Variants in PCDHGA2 observed in about 807,000 individuals in gnomAD.
The protein encoded by PCDHGA2 is protocadherin gamma-A2.
PCDHGA2 carries 40 observed loss-of-function variants against 59.2 expected under a neutral mutation model. The observed-to-expected ratio is 0.68, with a 90% CI of 0.52 to 0.88. The LOEUF (loss-of-function observed/expected upper bound fraction) is 0.88, where lower values mean the gene tolerates loss of function less well. Ranked by LOEUF, PCDHGA2 falls within the 40% of genes least tolerant of loss-of-function variation. The pLI, the probability that PCDHGA2 is intolerant of heterozygous loss-of-function variation, is 0.00. For missense variants in PCDHGA2, 1,226 were observed against 1,204.0 expected (o/e 1.02, Z -0.27); for synonymous variants, 560 against 526.0 (o/e 1.06, Z -0.89).
intron 1 of PCDHGA2, chr5:141,395,043 G>A: frequency 6.2e-7 from 1 of 1,614,150 alleles, no homozygotes. Flanking sequence ...TGTGGGTGTT[G>A]AGGAGGTACA....
Position 141,340,542 on chromosome 5 carries a change from A to G in PCDHGA2, c.1571A>G (p.Gln524Arg), listed in dbSNP as rs1756955955. Reference sequence around the variant, plus strand: ...GCACTGCGCTCCTTTGATTATGAGCAGTTGCGAGACTTGCAAGTGTGGGTG... The same window carrying G: ...GCACTGCGCTCCTTTGATTATGAGCGGTTGCGAGACTTGCAAGTGTGGGTG... Reference protein sequence around the residue: ...LYALRSFDYEQLRDLQVWVIA... With the variant: ...LYALRSFDYERLRDLQVWVIA... Residue 524 changes from glutamine (Q) to arginine (R), a missense_variant, in exon 1 of 4, where the codon CAG becomes CGG. Coordinates refer to ENST00000394576, the MANE Select transcript of PCDHGA2 (RefSeq NM_018915.4). The G allele has an allele frequency of 1.2e-6, 2 of 1,614,264 alleles. No homozygotes were observed. Among genetic ancestry groups the G allele is most frequent in the Non-Finnish European group, 1.7e-6 (2 of 1,180,046 alleles).
intron 1 of PCDHGA2, chr5:141,478,544 C>G (rs1371505487): frequency 6.2e-7 from 1 of 1,605,660 alleles, no homozygotes; most frequent in Admixed American, 1.7e-5. Flanking sequence ...CCCTCCCGGA[C>G]AGGTAAGGTT....
intron 1 of PCDHGA2, among the ~76,000 whole-genome samples, chr5:141,492,167 C>T (rs565536989): frequency 6.6e-6 from 1 of 152,344 alleles, no homozygotes; most frequent in East Asian, 1.9e-4. Context: ...CCTATCCCCG[C>T]ATCACCCAAC....
intron 1 of PCDHGA2, chr5:141,355,603 A>T: frequency 1.2e-6 from 2 of 1,614,012 alleles, no homozygotes; most frequent in South Asian, 1.1e-5. Context: ...CAGTTTTGGG[A>T]CAGAACAGAG....
intron 1 of PCDHGA2, chr5:141,479,660 A>G (rs1206947602): frequency 6.6e-6 from 1 of 152,266 alleles, no homozygotes; most frequent in African/African-American, 2.4e-5. Flanking sequence ...ACAATCCCAG[A>G]AACTACAAAA....
At chr5:141,479,842 G>A (rs1167563746) in intron 1 of PCDHGA2, among the ~76,000 whole-genome samples, 3 of 152,172 alleles carry the variant, frequency 2.0e-5, no homozygotes, top group African/African-American at 7.2e-5. Context: ...TCCATGCAAG[G>A]TGACTGCAAG....
chr5:141,486,137 G>A lies in PCDHGA2; in HGVS notation c.2425-8670G>A, dbSNP rs1187526031. 1 of 1,614,074 alleles carries A rather than the reference G, an allele frequency of 6.2e-7. No individual in the cohort carries two copies. On this transcript the variant is annotated intron_variant, in intron 1 of 3. Coordinates refer to ENST00000394576, the MANE Select transcript of PCDHGA2 (RefSeq NM_018915.4). The surrounding 1 kb of genome is among the most constrained non-coding windows in gnomAD (Gnocchi z 5.0). ...GAATTACTATGAATTTGATGTGCGGGCTCGCGATGGGGGTTCTCCAGCCAT... is the reference window on the plus strand; with the variant it reads ...GAATTACTATGAATTTGATGTGCGGACTCGCGATGGGGGTTCTCCAGCCAT...
At chr5:141,413,020 C>T in intron 1 of PCDHGA2, 1 of 693,768 alleles carries the variant, frequency 1.4e-6, no homozygotes, top group Non-Finnish European at 2.3e-6. Context: ...CTACACAAGC[C>T]CCACAAACCG....
chr5:141,375,314 G>T, intron 1 of PCDHGA2: 2 of 1,613,798 alleles, frequency 1.2e-6, no homozygotes, highest in Non-Finnish European at 1.7e-6. Flanking sequence ...TGCAGCTCTA[G>T]ACCGGGAAGA....
chr5:141,505,249 G>T, intron 2 of PCDHGA2, 144 bp from the exon 3 acceptor site: 1 of 1,447,748 alleles, frequency 6.9e-7, no homozygotes, highest in Non-Finnish European at 9.2e-7. Flanking sequence ...GATTGTAGAA[G>T]TGCCTCCTAC....
rs36031641 is a variant in PCDHGA2 at position 141,434,771 on chromosome 5, T to TA, written c.2425-60023dup. ...CCCCTGATTCCCCACTTCACACTTCTAAAAAAAAAAAAATTTTTTTTTCTG... is the reference window on the plus strand; with the variant it reads ...CCCCTGATTCCCCACTTCACACTTCTAAAAAAAAAAAAAATTTTTTTTTCTG... On this transcript the variant is annotated intron_variant, in intron 1 of 3. Coordinates refer to ENST00000394576, the MANE Select transcript of PCDHGA2 (RefSeq NM_018915.4). Among the ~76,000 whole-genome samples, 71 of 145,288 alleles carry TA rather than the reference T, an allele frequency of 4.9e-4. 1 individual carries two copies. The highest frequency in any genetic ancestry group is 3.6e-3 in the Middle Eastern group (1 of 278).
intron 1 of PCDHGA2, chr5:141,484,976 G>T: frequency 1.7e-6 from 1 of 592,920 alleles, no homozygotes; most frequent in South Asian, 2.1e-5. Flanking sequence ...GCCGCTGTCT[G>T]CCAATCGGGT....
At chr5:141,389,170 C>CCCTCT (rs2091633405) in intron 1 of PCDHGA2, 3 of 1,614,006 alleles carry the variant, frequency 1.9e-6, no homozygotes, top group Non-Finnish European at 2.5e-6. Context: ...GGCAAGCCTC[C>CCCTCT]CCTCTCCTCC....
At chr5:141,375,373 A>G (rs540129406) in intron 1 of PCDHGA2, 113 of 1,613,776 alleles carry the variant, frequency 7.0e-5, no homozygotes, top group Non-Finnish European at 3.2e-5. Flanking sequence ...AAGGAACACC[A>G]CCTCTGTCTA....
intron 1 of PCDHGA2, chr5:141,403,322 A>G (rs1156229289): frequency 6.2e-7 from 1 of 1,613,982 alleles, no homozygotes; most frequent in Non-Finnish European, 8.5e-7. Flanking sequence ...AATAGAAGTA[A>G]CTGATATTAA....
At chr5:141,371,558 A>G in intron 1 of PCDHGA2, 1 of 1,613,764 alleles carries the variant, frequency 6.2e-7, no homozygotes, top group Non-Finnish European at 8.5e-7. Context: ...AACTAAAAGG[A>G]AACTTCCCCT....
intron 1 of PCDHGA2, among the ~76,000 whole-genome samples, chr5:141,466,637 A>G (rs944728391): frequency 1.1e-4 from 16 of 152,234 alleles, no homozygotes; most frequent in Admixed American, 8.5e-4. Flanking sequence ...CATTGTCTCC[A>G]TAAACTTTTC....
chr5:141,390,346 A>C, intron 1 of PCDHGA2: 1 of 1,576,446 alleles, frequency 6.3e-7, no homozygotes, highest in African/African-American at 1.4e-5. Context: ...TCACAAGAAA[A>C]TATACATATT....
Position 141,360,726 on chromosome 5 carries a change from A to G in PCDHGA2, c.2424+19331A>G, listed in dbSNP as rs546905813. On this transcript the variant is annotated intron_variant, in intron 1 of 3. Coordinates refer to ENST00000394576, the MANE Select transcript of PCDHGA2 (RefSeq NM_018915.4). ...GTAAATATCCTGAGTTGATTCTAAA[A>G]CACTCTCTGGACAGAGAAGAGCACA... The G allele has an allele frequency of 1.6e-5, 26 of 1,613,970 alleles. No individual in the cohort carries two copies. In the Admixed American group the frequency reaches 4.3e-4, roughly 27 times the overall value.
Sources: gnomAD v4.1 joint callset for allele counts (sites outside exome capture counted in the v4.1 genomes callset) on GRCh38, gnomAD v4.1.1 for gene constraint, Gnocchi (gnomAD v3.1) non-coding constraint, MANE v1.5 for transcripts, NCBI Gene and HGNC (gene_info 2026-07-23, HGNC 2026-07-21) for gene names.